Variants in LRRC4C observed in about 807,000 individuals in gnomAD.
LRRC4C encodes leucine rich repeat containing 4C, also known as leucine-rich repeat-containing protein 4C.
In LRRC4C, 5 loss-of-function variants were observed where a neutral mutation model predicts 33.6. That is an observed-to-expected ratio of 0.15 (90% CI 0.08 to 0.31). The LOEUF (loss-of-function observed/expected upper bound fraction) is 0.31. Among genes scored for constraint, LRRC4C ranks in the 10% least tolerant of loss-of-function variants. The pLI is 1.00. For synonymous variants in LRRC4C, 329 were observed against 302.0 expected, an observed-to-expected ratio of 1.09 and a Z score of -0.93; for missense variants, 560 against 796.7, an observed-to-expected ratio of 0.70 and a Z score of 3.58.
intron 1 of LRRC4C, among the ~76,000 whole-genome samples, chr11:41,021,342 C>A (rs1855973111): frequency 6.6e-6 from 1 of 151,784 alleles, no homozygotes; most frequent in South Asian, 2.1e-4. Flanking sequence ...GCCACCTTCA[C>A]CTCTATTCTA....
chr11:40,258,492 C>T (rs1255547145), intron 4 of LRRC4C, among the ~76,000 whole-genome samples: 1 of 152,106 alleles, frequency 6.6e-6, no homozygotes, highest in Non-Finnish European at 1.5e-5. Context: ...AATTTAAAAA[C>T]CCTAGAGGCA....
chr11:40,594,127 C>T (rs1959169326), intron 3 of LRRC4C, among the ~76,000 whole-genome samples: 1 of 152,136 alleles, frequency 6.6e-6, no homozygotes, highest in Non-Finnish European at 1.5e-5. Context: ...TGCAATAGTC[C>T]CTGATAGTCC....
At position 40,633,361 on chromosome 11, in the gene LRRC4C, CTTTCTT is replaced by C. The variant is rs1365464467; in HGVS notation, c.-270+14775_-270+14780del. Among the ~76,000 whole-genome samples the C allele has an allele frequency of 6.1e-4, 29 of 47,762 alleles. 1 individual carries two copies. Among genetic ancestry groups the C allele is most frequent in the African/African-American group, 1.9e-3 (16 of 8,394 alleles). The allele number at this position is 47,762 out of a possible 152,430, so 31.3% of individuals were successfully genotyped here. A position where few individuals can be genotyped will look rare whatever the true frequency, so the allele number is the denominator to read the frequency against. ...TCTTTCTTTCTTTCTTTCTTTCTTT[CTTTCTT>C]TCTTTCTCTCTCTTTCTTTCTTTCT... On this transcript the variant is annotated intron_variant, in intron 3 of 6. Coordinates refer to ENST00000528697, the MANE Select transcript of LRRC4C (RefSeq NM_001258419.2).
chr11:41,408,441 G>A (rs775171023), intron 1 of LRRC4C, among the ~76,000 whole-genome samples: 2 of 152,060 alleles, frequency 1.3e-5, no homozygotes, highest in Non-Finnish European at 2.9e-5. Flanking sequence ...TGGAAAATTG[G>A]TAAATGTATT....
intron 2 of LRRC4C, among the ~76,000 whole-genome samples, chr11:40,821,732 C>T (rs1342846748): frequency 6.6e-6 from 1 of 151,556 alleles, no homozygotes; most frequent in South Asian, 2.1e-4. Context: ...AAAACTTTCA[C>T]AGACCAAAAG....
intron 1 of LRRC4C, among the ~76,000 whole-genome samples, chr11:41,287,745 T>C (rs1391948755): frequency 1.3e-5 from 2 of 152,212 alleles, no homozygotes; most frequent in African/African-American, 4.8e-5. Flanking sequence ...CTGTTAAACC[T>C]TGGCCTAATA....
chr11:40,954,822 G>A (rs1592179814), intron 1 of LRRC4C, among the ~76,000 whole-genome samples: 1 of 151,710 alleles, frequency 6.6e-6, no homozygotes, highest in East Asian at 1.9e-4. Context: ...TATCACTGGA[G>A]GTAATTTTGG....
intron 1 of LRRC4C, among the ~76,000 whole-genome samples, chr11:40,981,268 G>T (rs533793557): frequency 1.3e-5 from 2 of 152,188 alleles, no homozygotes; most frequent in Admixed American, 6.5e-5. Context: ...ACAAAACTTA[G>T]CCTGGCGTGG....
chr11:41,316,504 T>C (rs528506086), intron 1 of LRRC4C, among the ~76,000 whole-genome samples: 7 of 152,268 alleles, frequency 4.6e-5, no homozygotes, highest in Non-Finnish European at 7.4e-5. Flanking sequence ...TGTTTTTATA[T>C]ATCACCTACA....
intron 1 of LRRC4C, among the ~76,000 whole-genome samples, chr11:41,308,109 T>C (rs1413848059): frequency 6.6e-6 from 1 of 152,196 alleles, no homozygotes; most frequent in Non-Finnish European, 1.5e-5. Flanking sequence ...ATAGTATTGA[T>C]ATAGACTAGG....
chr11:40,583,949 A>G (rs1429446819), intron 3 of LRRC4C, among the ~76,000 whole-genome samples: 1 of 151,682 alleles, frequency 6.6e-6, no homozygotes, highest in Non-Finnish European at 1.5e-5. Flanking sequence ...TGAGGAGCAT[A>G]GTAGACATCT....
At chr11:41,283,958 G>A (rs1337064810) in intron 1 of LRRC4C, among the ~76,000 whole-genome samples, 2 of 152,112 alleles carry the variant, frequency 1.3e-5, no homozygotes, top group Non-Finnish European at 2.9e-5. Context: ...TTCATGACAT[G>A]CTTACAGCAC....
At chr11:40,540,374 C>T (rs1956657025) in intron 3 of LRRC4C, among the ~76,000 whole-genome samples, 1 of 152,090 alleles carries the variant, frequency 6.6e-6, no homozygotes, top group Non-Finnish European at 1.5e-5. Flanking sequence ...TCTGTTTTCC[C>T]CTACGTAACC....
At chr11:40,485,264 C>CAT (rs1384404032) in intron 3 of LRRC4C, among the ~76,000 whole-genome samples, 1 of 151,834 alleles carries the variant, frequency 6.6e-6, no homozygotes. Context: ...CACACACACA[C>CAT]ACGTATTTGC....
chr11:40,481,889 T>C (rs1325246817), intron 3 of LRRC4C, among the ~76,000 whole-genome samples: 2 of 152,198 alleles, frequency 1.3e-5, no homozygotes, highest in African/African-American at 4.8e-5. Flanking sequence ...AGCTATTTCA[T>C]TATTGGTGTA....
intron 2 of LRRC4C, among the ~76,000 whole-genome samples, chr11:40,674,607 T>G (rs1410217355): frequency 6.6e-6 from 1 of 152,184 alleles, no homozygotes; most frequent in African/African-American, 2.4e-5. Context: ...ATCTAAGTTT[T>G]AGGTACTATT....
intron 1 of LRRC4C, among the ~76,000 whole-genome samples, chr11:41,408,755 A>AAAAAAAAAAAAAACAAAC (rs1191106845): frequency 0.015 from 2,225 of 147,798 alleles, 43 homozygotes; most frequent in African/African-American, 0.056. Flanking sequence ...TGTAAAAAAA[A>AAAAAAAAAAAAAACAAAC]AAAAAAAAAA....
chr11:40,307,350 T>C (rs1033132637), intron 4 of LRRC4C, among the ~76,000 whole-genome samples: 1 of 152,184 alleles, frequency 6.6e-6, no homozygotes, highest in Non-Finnish European at 1.5e-5. Context: ...TTCCCCAGCA[T>C]AATCAATAGA....
chr11:40,118,405 A>ACCT (rs1256626386), intron 6 of LRRC4C, among the ~76,000 whole-genome samples: 1 of 152,018 alleles, frequency 6.6e-6, no homozygotes, highest in Admixed American at 6.6e-5. Context: ...TAGAATCCTT[A>ACCT]CCTCGTGGGA....
Sources: gnomAD v4.1 joint callset for allele counts (sites outside exome capture counted in the v4.1 genomes callset) on GRCh38, gnomAD v4.1.1 for gene constraint, MANE v1.5 for transcripts, NCBI Gene and HGNC (gene_info 2026-07-23, HGNC 2026-07-21) for gene names.